NAMPT: variants seen among roughly 807,000 people sequenced by gnomAD.
NAMPT encodes the protein nicotinamide phosphoribosyltransferase, also known as NAmPRTase.
NAMPT carries 7 observed loss-of-function variants against 58.7 expected under a neutral mutation model. That is an observed-to-expected ratio of 0.12 (90% CI 0.07 to 0.22). NAMPT has a LOEUF of 0.22. Ranked by LOEUF, NAMPT falls within the 10% of genes least tolerant of loss-of-function variation. NAMPT has a pLI of 1.00. For missense variants in NAMPT, 271 were observed against 567.9 expected (o/e 0.48, Z 5.31); for synonymous variants, 145 against 198.1 (o/e 0.73, Z 2.25).
intron 8 of NAMPT, among the ~76,000 whole-genome samples, chr7:106,258,883 T>G (rs925174726): frequency 6.6e-6 from 1 of 152,098 alleles, no homozygotes. Flanking sequence ...TGCCTTAAAA[T>G]GACAACAATG....
chr7:106,256,112 A>C (rs1792194530), intron 8 of NAMPT, among the ~76,000 whole-genome samples: 2 of 152,246 alleles, frequency 1.3e-5, no homozygotes, highest in African/African-American at 4.8e-5. Flanking sequence ...TCCTCTTGCC[A>C]ACTCTGATAA....
At chr7:106,271,133 C>T (rs972842219) in intron 4 of NAMPT, among the ~76,000 whole-genome samples, 7 of 151,968 alleles carry the variant, frequency 4.6e-5, no homozygotes, top group African/African-American at 1.2e-4. Context: ...AAGCCATTAA[C>T]GGTCATCTAC....
chr7:106,284,102 T>C (rs1159933764), intron 1 of NAMPT, among the ~76,000 whole-genome samples: 1 of 152,214 alleles, frequency 6.6e-6, no homozygotes, highest in Non-Finnish European at 1.5e-5. Flanking sequence ...ATTTTCCTTT[T>C]CACAGAAATC....
chr7:106,253,277 G>T, intron 9 of NAMPT, 126 bp from the exon 10 acceptor site: 1 of 922,678 alleles, frequency 1.1e-6, no homozygotes, highest in Non-Finnish European at 1.6e-6. Context: ...AGGTATAACT[G>T]AACCAATCCA....
rs1586016688 is a variant in NAMPT, at chr7:106,263,310, G to A, written c.969+82C>T. 3 of 978,234 alleles carry A rather than the reference G, an allele frequency of 3.1e-6. No homozygotes were observed. The East Asian group carries it at 7.6e-5, about 25-fold the overall frequency. 60.6% of individuals were successfully genotyped at this position (978,234 alleles called of 1,614,324 possible). On this transcript the variant is annotated intron_variant, in intron 7 of 10. Transcript: ENST00000222553. ...GACTGGTCCACACAGCTCTGAAATT[G>A]TGTGTATATAAATGAAAAGTAGTAT...
intron 4 of NAMPT, among the ~76,000 whole-genome samples, chr7:106,271,353 C>G (rs1032813549): frequency 3.3e-5 from 5 of 152,124 alleles, no homozygotes; most frequent in African/African-American, 7.2e-5. Flanking sequence ...TTCCTTTAGA[C>G]AGAATTACCT....
rs774452786 is a variant in NAMPT at position 106,261,715 on chromosome 7, G to A, written c.970-8C>T. The A allele has an allele frequency of 6.2e-7, 1 of 1,603,032 alleles. No homozygotes were observed. Among genetic ancestry groups the A allele is most frequent in the Admixed American group, 1.7e-5 (1 of 59,948 alleles). ...ACCTAAAATCTCCAAAACCTATATG[G>A]AAAAATACACATGCAACACAAATAA... On this transcript the variant is annotated splice_region_variant and splice_polypyrimidine_tract_variant and intron_variant, in intron 7 of 10. Transcript: ENST00000222553.
intron 7 of NAMPT, among the ~76,000 whole-genome samples, chr7:106,262,374 C>T (rs1358144766): frequency 1.3e-5 from 2 of 149,252 alleles, no homozygotes; most frequent in Non-Finnish European, 3.0e-5. Context: ...TTTCTTTTTC[C>T]TAAATAAACT....
chr7:106,255,441 T>C (rs1340742004), intron 8 of NAMPT, among the ~76,000 whole-genome samples: 1 of 152,240 alleles, frequency 6.6e-6, no homozygotes, highest in African/African-American at 2.4e-5. Flanking sequence ...AACAGCCTTA[T>C]GTGTATCAAA....
At chr7:106,273,068 G>GATTGTGAAAATT (rs1377423514) in intron 3 of NAMPT, among the ~76,000 whole-genome samples, 3 of 152,148 alleles carry the variant, frequency 2.0e-5, no homozygotes, top group Non-Finnish European at 4.4e-5. Flanking sequence ...ACAAAATAAA[G>GATTGTGAAAATT]GCTGCAGATT....
intron 4 of NAMPT, 70 bp from the exon 5 acceptor site, chr7:106,269,382 CTTTT>C (rs35479106): frequency 3.5e-6 from 4 of 1,152,730 alleles, no homozygotes; most frequent in Admixed American, 2.8e-5. Context: ...AAAATCCTAG[CTTTT>C]TTTTTTTTTT....
At chr7:106,281,006 GTGAT>G (rs1300027226) in intron 1 of NAMPT, among the ~76,000 whole-genome samples, 1 of 150,460 alleles carries the variant, frequency 6.6e-6, no homozygotes, top group Non-Finnish European at 1.5e-5. Context: ...CTTCAGTTGT[GTGAT>G]TAATTTACTT....
At chr7:106,280,646 T>C (rs1005054934) in intron 1 of NAMPT, among the ~76,000 whole-genome samples, 2 of 151,986 alleles carry the variant, frequency 1.3e-5, no homozygotes, top group Non-Finnish European at 2.9e-5. Flanking sequence ...TCAATACATA[T>C]GTGGTAAAGA....
chr7:106,278,193 A>G (rs1017673080), intron 1 of NAMPT, among the ~76,000 whole-genome samples: 3 of 151,750 alleles, frequency 2.0e-5, no homozygotes, highest in Admixed American at 2.0e-4. Context: ...CACAGTCTCA[A>G]TCTCAGTAAA....
intron 10 of NAMPT, among the ~76,000 whole-genome samples, chr7:106,252,785 A>C (rs1020379789): frequency 2.0e-5 from 3 of 152,148 alleles, no homozygotes; most frequent in Non-Finnish European, 2.9e-5. Context: ...ACTTGCTGTC[A>C]ATCACTATAC....
intron 4 of NAMPT, among the ~76,000 whole-genome samples, chr7:106,271,559 C>T (rs530424244): frequency 2.7e-4 from 41 of 152,168 alleles, no homozygotes; most frequent in Non-Finnish European, 3.8e-4. Flanking sequence ...TTTTAGTATA[C>T]GGTATAGACT....
intron 6 of NAMPT, 89 bp downstream of exon 6, chr7:106,268,375 C>G: frequency 8.5e-7 from 1 of 1,179,866 alleles, no homozygotes; most frequent in Non-Finnish European, 1.2e-6. Flanking sequence ...CTGTAGGTAC[C>G]TGGCTCTGCA....
rs1379335445 is a variant in NAMPT, at chr7:106,276,708, G to C, written c.214+315C>G. The stretch of plus-strand genomic sequence containing the variant: ...AAACACAAAATTAGTTGGGTGTGGT[G>C]GTGCATGCCTGTAATCCCATCTACT... On this transcript the variant is annotated intron_variant, in intron 2 of 10. Coordinates refer to ENST00000222553, the MANE Select transcript of NAMPT (RefSeq NM_005746.3). The C allele has an allele frequency of 4.6e-5, 11 of 239,642 alleles. No homozygotes were observed. The Admixed American group carries it at 5.6e-4, about 12-fold the overall frequency. The allele number at this position is 239,642 out of a possible 1,614,324, so 14.8% of individuals were successfully genotyped here. A position where few individuals can be genotyped will look rare whatever the true frequency, so the allele number is the denominator to read the frequency against.
intron 8 of NAMPT, among the ~76,000 whole-genome samples, chr7:106,258,373 C>T (rs965669114): frequency 3.9e-5 from 6 of 152,120 alleles, no homozygotes; most frequent in Non-Finnish European, 5.9e-5. Flanking sequence ...CAAACTCTTT[C>T]GAACAGAAAA....
Sources: allele counts gnomAD v4.1 joint callset (sites outside exome capture counted in the v4.1 genomes callset), GRCh38; gene constraint gnomAD v4.1.1; transcripts MANE v1.5; gene names NCBI Gene and HGNC (gene_info 2026-07-23, HGNC 2026-07-21).